The following SPATA16 variants were observed in gnomAD, a reference collection of about 807,000 sequenced individuals.
The protein encoded by SPATA16 is spermatogenesis associated 16.
SPATA16 carries 36 observed loss-of-function variants against 63.3 expected under a neutral mutation model. The observed-to-expected ratio is 0.57, with a 90% CI of 0.44 to 0.75. The LOEUF (loss-of-function observed/expected upper bound fraction) is 0.75, where lower values mean the gene tolerates loss of function less well. Ranked by LOEUF, SPATA16 falls within the 30% of genes least tolerant of loss-of-function variation. The pLI is 0.00. For synonymous variants in SPATA16, 203 were observed against 216.7 expected, an observed-to-expected ratio of 0.94 and a Z score of 0.56; for missense variants, 646 against 679.3, an observed-to-expected ratio of 0.95 and a Z score of 0.54.
intron 3 of SPATA16, among the ~76,000 whole-genome samples, chr3:173,044,315 T>C (rs987338302): frequency 1.3e-5 from 2 of 152,210 alleles, no homozygotes; most frequent in Non-Finnish European, 2.9e-5. Context: ...TTATAGTGGA[T>C]AATTTCTATC....
intron 3 of SPATA16, among the ~76,000 whole-genome samples, chr3:173,045,100 T>C (rs960846149): frequency 3.3e-5 from 5 of 152,160 alleles, no homozygotes; most frequent in Non-Finnish European, 7.4e-5. Flanking sequence ...CATGCATGGC[T>C]CAGACCTTGG....
intron 1 of SPATA16, among the ~76,000 whole-genome samples, chr3:173,140,785 C>A (rs946031686): frequency 6.1e-4 from 93 of 152,150 alleles, no homozygotes; most frequent in African/African-American, 2.1e-3. Context: ...AACAAAAAAT[C>A]TGTTATTGGG....
rs923556444 is a variant in SPATA16 at position 173,053,960 on chromosome 3, G to A, written c.613-4866C>T. 2.0e-5 allele frequency among the ~76,000 whole-genome samples: 3 copies of A among 151,900 alleles called. No homozygotes were observed. In the East Asian group the frequency reaches 5.8e-4, roughly 29 times the overall value. Reference sequence around the variant, plus strand: ...TGCCATATTTCTTTCTATACGTTTTGCATTTTTGTATCATAATAGAAGATA... The same window carrying A: ...TGCCATATTTCTTTCTATACGTTTTACATTTTTGTATCATAATAGAAGATA... On this transcript the variant is annotated intron_variant, in intron 2 of 10. Transcript: ENST00000351008.
At chr3:172,999,534 C>T (rs1734769718) in intron 4 of SPATA16, among the ~76,000 whole-genome samples, 1 of 152,130 alleles carries the variant, frequency 6.6e-6, no homozygotes, top group African/African-American at 2.4e-5. Flanking sequence ...CTGCCTCAGC[C>T]TCCTGAGTAG....
chr3:173,042,029 A>G (rs559666972), intron 3 of SPATA16, among the ~76,000 whole-genome samples: 7 of 152,264 alleles, frequency 4.6e-5, no homozygotes, highest in Admixed American at 3.9e-4. Flanking sequence ...CAAAATTCCT[A>G]TTACTTCTAT....
chr3:172,958,577 TGTATCA>T (rs1461620137), intron 5 of SPATA16, among the ~76,000 whole-genome samples: 1 of 152,180 alleles, frequency 6.6e-6, no homozygotes, highest in African/African-American at 2.4e-5. Context: ...TATTGGTGCC[TGTATCA>T]GTTTCCTAGG....
chr3:173,070,600 T>C (rs1736651011), intron 2 of SPATA16, among the ~76,000 whole-genome samples: 2 of 152,128 alleles, frequency 1.3e-5, no homozygotes, highest in African/African-American at 4.8e-5. Flanking sequence ...TTAGAACTGA[T>C]AAGCAAATTC....
At chr3:173,026,423 CAGA>C (rs372188740) in intron 3 of SPATA16, among the ~76,000 whole-genome samples, 39 of 151,928 alleles carry the variant, frequency 2.6e-4, no homozygotes, top group Admixed American at 1.5e-3. Flanking sequence ...TTTTGAAGAG[CAGA>C]AGATTTTTGA....
intron 4 of SPATA16, among the ~76,000 whole-genome samples, chr3:172,979,004 G>A (rs896724696): frequency 6.6e-5 from 10 of 152,196 alleles, no homozygotes; most frequent in African/African-American, 1.7e-4. Flanking sequence ...TTGGGAGGCC[G>A]AGGTCGGCGG....
Position 172,916,477 on chromosome 3 carries a change from C to T in SPATA16, c.1343G>A (p.Ser448Asn), listed in dbSNP as rs1465661823. Residue 448 changes from serine to asparagine, a missense_variant, in exon 9 of 11, where the codon AGT becomes AAT. By Grantham distance (46) the Ser-to-Asn change is conservative (BLOSUM62 1). Coordinates refer to ENST00000351008, the MANE Select transcript of SPATA16 (RefSeq NM_031955.6). Reference sequence around the variant, plus strand: ...CATCACACCTGAGGATGCAGGAAAACTCCCCTAGTCTCAAAGTAAAAGAAA... The same window carrying T: ...CATCACACCTGAGGATGCAGGAAAATTCCCCTAGTCTCAAAGTAAAAGAAA... ...DFIRSTQLNG[S>N]FPASSGVMEK... 6.2e-7 allele frequency: 1 copy of T among 1,613,492 alleles called. No individual in the cohort carries two copies. Among genetic ancestry groups the T allele is most frequent in the East Asian group, 2.2e-5 (1 of 44,888 alleles).
chr3:172,977,071 TAA>T lies in SPATA16; in HGVS notation c.849-21_849-20del. 4 of 1,475,284 alleles carry T rather than the reference TAA, an allele frequency of 2.7e-6. No homozygotes were observed. The highest frequency in any genetic ancestry group is 1.8e-6 in the Non-Finnish European group (2 of 1,086,978). 91.4% of individuals were successfully genotyped at this position (1,475,284 alleles called of 1,614,324 possible). A position where few individuals can be genotyped will look rare whatever the true frequency, so the allele number is the denominator to read the frequency against. On this transcript the variant is annotated intron_variant, in intron 4 of 10. Transcript: ENST00000351008. The stretch of plus-strand genomic sequence containing the variant: ...GGCACTCCTAAGAACAAGGACAGAT[TAA>T]AAAAAAAACAAAAACAAATGTATAG...
intron 4 of SPATA16, among the ~76,000 whole-genome samples, chr3:173,017,457 T>G (rs1421151906): frequency 6.6e-6 from 1 of 152,200 alleles, no homozygotes; most frequent in Non-Finnish European, 1.5e-5. Flanking sequence ...ACGAAAAATT[T>G]ATGTCATTAC....
chr3:172,988,903 G>A (rs1734514013), intron 4 of SPATA16, among the ~76,000 whole-genome samples: 1 of 152,176 alleles, frequency 6.6e-6, no homozygotes. Context: ...TTCCCAAAGT[G>A]CTGAGATTAT....
At chr3:172,900,072 C>T (rs370401262) in intron 10 of SPATA16, among the ~76,000 whole-genome samples, 3 of 152,172 alleles carry the variant, frequency 2.0e-5, no homozygotes, top group African/African-American at 7.2e-5. Context: ...CTTTTGATTC[C>T]TTTCTATTCA....
intron 4 of SPATA16, among the ~76,000 whole-genome samples, chr3:173,017,947 C>T (rs912922497): frequency 1.3e-5 from 2 of 152,142 alleles, no homozygotes; most frequent in Admixed American, 6.5e-5. Flanking sequence ...TGCGAGGAAA[C>T]ATGTGTGGTC....
intron 2 of SPATA16, among the ~76,000 whole-genome samples, chr3:173,051,225 C>T (rs1736082274): frequency 6.6e-6 from 1 of 152,106 alleles, no homozygotes; most frequent in Admixed American, 6.6e-5. Flanking sequence ...TCTTTTAAGA[C>T]AGAGTCTGGC....
At chr3:173,086,585 GGTTT>G (rs1403043237) in intron 2 of SPATA16, among the ~76,000 whole-genome samples, 1 of 151,812 alleles carries the variant, frequency 6.6e-6, no homozygotes, top group Non-Finnish European at 1.5e-5. Context: ...CTAGCTTTAT[GGTTT>G]GTTTGCTCTT....
At chr3:173,105,075 T>A (rs1289177886) in intron 2 of SPATA16, among the ~76,000 whole-genome samples, 1 of 152,236 alleles carries the variant, frequency 6.6e-6, no homozygotes, top group Non-Finnish European at 1.5e-5. Context: ...CAGCTTTTAA[T>A]TTCAGATGGT....
chr3:173,001,802 T>C (rs1263533928), intron 4 of SPATA16, among the ~76,000 whole-genome samples: 1 of 152,196 alleles, frequency 6.6e-6, no homozygotes, highest in East Asian at 1.9e-4. Context: ...TAGGTTAGTC[T>C]AGATGTTGAT....
Sources: gnomAD v4.1 joint callset for allele counts (sites outside exome capture counted in the v4.1 genomes callset) on GRCh38, gnomAD v4.1.1 for gene constraint, MANE v1.5 for transcripts, NCBI Gene and HGNC (gene_info 2026-07-23, HGNC 2026-07-21) for gene names.